The following NMD3 variants were observed in gnomAD, a reference collection of about 807,000 sequenced individuals.
NMD3 encodes the protein NMD3 ribosome export adaptor, also known as 60S ribosomal export protein NMD3.
Under a neutral mutation model 73.1 loss-of-function variants are expected in NMD3, and 47 were observed. The observed-to-expected ratio is 0.64, with a 90% confidence interval of 0.51 to 0.82. The LOEUF (loss-of-function observed/expected upper bound fraction) is 0.82. Ranked by LOEUF, NMD3 falls within the 40% of genes least tolerant of loss-of-function variation. NMD3 has a pLI of 0.00. For synonymous variants in NMD3, 210 were observed against 194.5 expected (o/e 1.08, Z -0.66); for missense variants, 554 against 612.5 (o/e 0.90, Z 1.01).
intron 9 of NMD3, 105 bp from the exon 10 acceptor site, chr3:161,240,941 C>T (rs1476655407): frequency 1.2e-5 from 7 of 589,932 alleles, no homozygotes; most frequent in South Asian, 2.9e-5. Context: ...TTGAAAATAA[C>T]GTTTTGGTTG....
At chr3:161,237,311 C>A (rs893490650) in intron 7 of NMD3, among the ~76,000 whole-genome samples, 5 of 151,950 alleles carry the variant, frequency 3.3e-5, no homozygotes, top group African/African-American at 1.2e-4. Context: ...TCAGTTAACT[C>A]GACCTTGATA....
intron 1 of NMD3, 96 bp downstream of exon 1, chr3:161,221,505 G>A (rs1736078136): frequency 6.6e-6 from 1 of 152,094 alleles, no homozygotes; most frequent in Admixed American, 6.5e-5. Flanking sequence ...CTCAGTCTGC[G>A]TGAGCGCCGC....
chr3:161,249,544 G>C lies in NMD3; in HGVS notation c.1294G>C (p.Asp432His), dbSNP rs377192162. Residue 432 changes from aspartate (D) to histidine (H), a missense_variant, in exon 14 of 16, where the codon GAT becomes CAT. Physicochemically the swap from Asp to His is moderately conservative, Grantham distance 81. Coordinates refer to ENST00000351193, the MANE Select transcript of NMD3 (RefSeq NM_015938.5). ...KELARERENM[D>H]TDDERQYQDF... ...GCTTGCAAGAGAGAGAGAAAACATG[G>C]ATACAGATGATGAAAGGTCTCGCTT... 2.1e-5 allele frequency: 33 copies of C among 1,601,476 alleles called. No homozygotes were observed. The highest frequency in any genetic ancestry group is 2.7e-5 in the Non-Finnish European group (32 of 1,169,144).
intron 2 of NMD3, 87 bp downstream of exon 2, chr3:161,222,144 G>C: frequency 9.5e-7 from 1 of 1,052,446 alleles, no homozygotes; most frequent in South Asian, 1.3e-5. Flanking sequence ...CTTGAGGGTG[G>C]GTGGGAAAGA....
Position 161,242,606 on chromosome 3 carries a change from G to T in NMD3, c.970G>T (p.Val324Phe). 1 of 1,613,444 alleles carries T rather than the reference G, an allele frequency of 6.2e-7. No homozygotes were observed. Among genetic ancestry groups the T allele is most frequent in the Non-Finnish European group, 8.5e-7 (1 of 1,179,630 alleles). Residue 324 changes from valine to phenylalanine, a missense_variant, in exon 11 of 16, where the codon GTC (valine) becomes TTC (phenylalanine). Transcript: ENST00000351193. ...GTTTATTGTGATGGAATGCAGCATA[G>T]TCCAAGATATAAAACGTGCTGCAGG... ...EEFIVMECSI[V>F]QDIKRAAGAG...
chr3:161,250,940 G>A lies in NMD3; in HGVS notation c.*30G>A. 1 of 1,590,974 alleles carries A rather than the reference G, an allele frequency of 6.3e-7. No homozygotes were observed. Among genetic ancestry groups the A allele is most frequent in the Non-Finnish European group, 8.6e-7 (1 of 1,165,706 alleles). ...ATGTTGTAGACTGTTTCCATACATG[G>A]GCTTAAGAAGTTGGACAGAGTTACC... On this transcript the variant is annotated 3_prime_UTR_variant, in exon 16 of 16. Coordinates refer to ENST00000351193, the MANE Select transcript of NMD3 (RefSeq NM_015938.5).
In NMD3 at chr3:161,226,957, T is replaced by C. The variant is rs75873649; in HGVS notation, c.180-290T>C. Among the ~76,000 whole-genome samples, 1,255 of 152,330 alleles carry C rather than the reference T, an allele frequency of 8.2e-3. 119 individuals are homozygous for C. In the East Asian group the frequency reaches 0.21, roughly 26 times the overall value. On this transcript the variant is annotated intron_variant, in intron 3 of 15. Transcript: ENST00000351193. ...TCACCTGTTTTTCAGAGCATAGCTTTAAGAGACTCTTGGACATTTTAGTGG... is the reference window on the plus strand; with the variant it reads ...TCACCTGTTTTTCAGAGCATAGCTTCAAGAGACTCTTGGACATTTTAGTGG...
intron 9 of NMD3, 42 bp downstream of exon 9, chr3:161,238,868 C>G: frequency 1.0e-6 from 1 of 958,942 alleles, no homozygotes. Context: ...TAAAAGAGTA[C>G]AAGTAATTAA....
At chr3:161,242,789 C>CTTT in intron 11 of NMD3, 136 bp downstream of exon 11, 2 of 485,050 alleles carry the variant, frequency 4.1e-6, no homozygotes, top group Non-Finnish European at 6.6e-6. Context: ...GAAAAAAATT[C>CTTT]TTTTTTTTTT....
chr3:161,222,544 T>A lies in NMD3; in HGVS notation c.44+487T>A, dbSNP rs538483952. Among the ~76,000 whole-genome samples the A allele has an allele frequency of 4.3e-4, 65 of 152,202 alleles. 1 individual carries two copies. In the South Asian group the frequency reaches 0.012, roughly 29 times the overall value. On this transcript the variant is annotated intron_variant, in intron 2 of 15. Coordinates refer to ENST00000351193, the MANE Select transcript of NMD3 (RefSeq NM_015938.5). ...ATTTTTAAATTTTGAACATCTTAAATCTTAGTTATCAATTTTTAATTTCTT... is the reference window on the plus strand; with the variant it reads ...ATTTTTAAATTTTGAACATCTTAAAACTTAGTTATCAATTTTTAATTTCTT...
intron 4 of NMD3, among the ~76,000 whole-genome samples, chr3:161,232,317 A>G (rs76420433): frequency 0.013 from 1,957 of 152,190 alleles, 43 homozygotes; most frequent in African/African-American, 0.045. Context: ...AAAAGTGGCC[A>G]GTCTACTTTT....
intron 4 of NMD3, among the ~76,000 whole-genome samples, chr3:161,232,698 T>G (rs1292848355): frequency 3.3e-5 from 5 of 152,154 alleles, no homozygotes; most frequent in Non-Finnish European, 7.3e-5. Flanking sequence ...ATCTTACAGA[T>G]TTTTATCTCC....
At chr3:161,238,918 G>A in intron 9 of NMD3, 92 bp downstream of exon 9, 1 of 602,768 alleles carries the variant, frequency 1.7e-6, no homozygotes, top group East Asian at 3.2e-5. Context: ...TTTTCCTCTA[G>A]GGTTGGTTAA....
rs1193418615 is a variant in NMD3, at chr3:161,242,511, C to T, written c.875C>T (p.Ala292Val). ...TGTGTTCTATCCTTATTTTTAGTGGCAGATATTGATGGGAGCACTTTCTGG... is the reference window on the plus strand; with the variant it reads ...TGTGTTCTATCCTTATTTTTAGTGGTAGATATTGATGGGAGCACTTTCTGG... ...HLIDPNTLQVADIDGSTFWSH... is the reference protein window; with the variant it reads ...HLIDPNTLQVVDIDGSTFWSH... The change falls in exon 11 of 16, where the codon GCA (alanine) becomes GTA (valine). Residue 292 changes from alanine to valine, a missense_variant. Ala to Val is a moderately conservative substitution (Grantham distance 64). Transcript: ENST00000351193. 1.2e-6 allele frequency: 2 copies of T among 1,610,716 alleles called. No individual in the cohort carries two copies. The highest frequency in any genetic ancestry group is 8.5e-7 in the Non-Finnish European group (1 of 1,177,942).
intron 11 of NMD3, among the ~76,000 whole-genome samples, chr3:161,242,999 C>T (rs1737053351): frequency 6.6e-6 from 1 of 152,102 alleles, no homozygotes; most frequent in Non-Finnish European, 1.5e-5. Flanking sequence ...TCACCAAATA[C>T]TAAATACTTC....
chr3:161,235,466 G>A, intron 7 of NMD3: 1 of 247,998 alleles, frequency 4.0e-6, no homozygotes, highest in Non-Finnish European at 7.8e-6. Flanking sequence ...TTCTGCTAAT[G>A]TCAAACATAA....
At chr3:161,232,969 A>G (rs992443090) in intron 4 of NMD3, among the ~76,000 whole-genome samples, 6 of 152,196 alleles carry the variant, frequency 3.9e-5, no homozygotes, top group Admixed American at 6.5e-5. Context: ...TCTCTAATCA[A>G]TGTCACTTCT....
At position 161,246,391 on chromosome 3, in the gene NMD3, A is replaced by G; in HGVS notation, c.1073A>G (p.Gln358Arg). 1.3e-6 allele frequency: 2 copies of G among 1,531,798 alleles called. No homozygotes were observed. Among genetic ancestry groups the G allele is most frequent in the South Asian group, 1.3e-5 (1 of 78,144 alleles). The allele number at this position is 1,531,798 out of a possible 1,614,324, so 94.9% of individuals were successfully genotyped here. ...QKTSEMNTDK[Q>R]YFCRTHLGHL... is the part of the protein sequence containing the mutation. ...ACATCTGAAATGAATACAGATAAAC[A>G]GTATTTTTGTCGTACTCATTTGGGA... Residue 358 changes from glutamine (Q) to arginine (R), a missense_variant, in exon 12 of 16, where the codon CAG (glutamine) becomes CGG (arginine). Transcript: ENST00000351193.
Position 161,230,549 on chromosome 3 carries a change from G to T in NMD3, c.277-2850G>T, listed in dbSNP as rs116330020. ...GCAGGGAGAAGAATAATTGGCTGGG[G>T]GGTGGCCTCAATAAGTGGAAAAGAG... On this transcript the variant is annotated intron_variant, in intron 4 of 15. Transcript: ENST00000351193. Among the ~76,000 whole-genome samples, 8 of 152,240 alleles carry T rather than the reference G, an allele frequency of 5.3e-5. No individual in the cohort carries two copies. The South Asian group carries it at 1.7e-3, about 32-fold the overall frequency.
Sources: allele counts gnomAD v4.1 joint callset (sites outside exome capture counted in the v4.1 genomes callset), GRCh38; gene constraint gnomAD v4.1.1; transcripts MANE v1.5; gene names NCBI Gene and HGNC (gene_info 2026-07-23, HGNC 2026-07-21).